Variants in SFT2D2 observed in about 807,000 individuals in gnomAD.
SFT2D2 encodes SFT2 domain containing 2.
In SFT2D2, 21 loss-of-function variants were observed where a neutral mutation model predicts 27.4. The observed-to-expected ratio is 0.77, with a 90% confidence interval of 0.54 to 1.10. The LOEUF (loss-of-function observed/expected upper bound fraction) is 1.10, where lower values mean the gene tolerates loss of function less well. Among genes scored for constraint, SFT2D2 ranks in the 50% least tolerant of loss-of-function variants. The pLI is 0.00. For missense variants in SFT2D2, 187 were observed against 194.2 expected (o/e 0.96, Z 0.22); for synonymous variants, 72 against 71.7 (o/e 1.00, Z -0.02).
At chr1:168,232,857 G>T (rs1474298210) in intron 3 of SFT2D2, among the ~76,000 whole-genome samples, 3 of 152,160 alleles carry the variant, frequency 2.0e-5, no homozygotes, top group African/African-American at 7.2e-5. Context: ...CCTGAGTCAG[G>T]GAGGGCTTCC....
chr1:168,246,259 G>T lies in SFT2D2; in HGVS notation c.*3719G>T. On this transcript the variant is annotated 3_prime_UTR_variant, in exon 8 of 8. Coordinates refer to ENST00000271375, the MANE Select transcript of SFT2D2 (RefSeq NM_199344.3). ...TGTGCTGTAGCATCACATTTGGCTT[G>T]ACTATCAATTACTGTTTTTTCTTGA... is the stretch of plus-strand genomic sequence containing the variant. 1 of 366,836 alleles carries T rather than the reference G, an allele frequency of 2.7e-6. No homozygotes were observed. The highest frequency in any genetic ancestry group is 2.4e-5 in the South Asian group (1 of 41,820). 22.7% of individuals were successfully genotyped at this position (366,836 alleles called of 1,614,324 possible). A position where few individuals can be genotyped will look rare whatever the true frequency, so the allele number is the denominator to read the frequency against.
rs578123756 is a variant in SFT2D2, at chr1:168,247,114, T to C, written c.*4574T>C. On this transcript the variant is annotated 3_prime_UTR_variant, in exon 8 of 8. Transcript: ENST00000271375. ...TCTCTTTTGTAGTACACTAGTCTTT[T>C]TCATTTTTTAATTTTTACTGTAAGT... 6 of 304,334 alleles carry C rather than the reference T, an allele frequency of 2.0e-5. No homozygotes were observed. Among genetic ancestry groups the C allele is most frequent in the South Asian group, 1.3e-4 (4 of 31,354 alleles). The allele number at this position is 304,334 out of a possible 1,614,324, so 18.9% of individuals were successfully genotyped here. A position where few individuals can be genotyped will look rare whatever the true frequency, so the allele number is the denominator to read the frequency against.
intron 1 of SFT2D2, 145 bp downstream of exon 1, chr1:168,226,287 G>T: frequency 1.5e-6 from 1 of 665,490 alleles, no homozygotes. Context: ...GCAGGGCTCC[G>T]CGAAGAGGTC....
chr1:168,226,681 T>C (rs1445927922), intron 1 of SFT2D2, among the ~76,000 whole-genome samples: 1 of 152,158 alleles, frequency 6.6e-6, no homozygotes, highest in Non-Finnish European at 1.5e-5. Flanking sequence ...TGCCTTGTGA[T>C]TGGGGGTGAG....
Position 168,249,109 on chromosome 1 carries a change from G to C in SFT2D2, c.*6569G>C, listed in dbSNP as rs1316991227. On this transcript the variant is annotated 3_prime_UTR_variant, in exon 8 of 8. Coordinates refer to ENST00000271375, the MANE Select transcript of SFT2D2 (RefSeq NM_199344.3). ...CCTGCTCTAATCTTAGTTATTTCTT[G>C]TCTTCTGCTAGCTTTTGAATTTGTT... 1 of 151,748 alleles carries C rather than the reference G, an allele frequency of 6.6e-6. No individual in the cohort carries two copies. Among genetic ancestry groups the C allele is most frequent in the Non-Finnish European group, 1.5e-5 (1 of 67,950 alleles). 9.4% of individuals were successfully genotyped at this position (151,748 alleles called of 1,614,324 possible).
rs1364193546 is a variant in SFT2D2, at chr1:168,246,648, T to C, written c.*4108T>C. On this transcript the variant is annotated 3_prime_UTR_variant, in exon 8 of 8. Coordinates refer to ENST00000271375, the MANE Select transcript of SFT2D2 (RefSeq NM_199344.3). ...GGAAATCAAGCTCTTGGTCTCTTTC[T>C]GTTGAGTGACTTTGATCATGATCAT... The C allele has an allele frequency of 7.4e-7, 1 of 1,357,558 alleles. No homozygotes were observed. The highest frequency in any genetic ancestry group is 1.8e-5 in the Admixed American group (1 of 56,430). 84.1% of individuals were successfully genotyped at this position (1,357,558 alleles called of 1,614,324 possible).
intron 6 of SFT2D2, among the ~76,000 whole-genome samples, chr1:168,238,005 G>C (rs1032426337): frequency 6.6e-6 from 1 of 152,102 alleles, no homozygotes; most frequent in African/African-American, 2.4e-5. Flanking sequence ...CAGAGGTTCA[G>C]CATTCATATG....
intron 7 of SFT2D2, among the ~76,000 whole-genome samples, chr1:168,242,202 T>TG (rs1647665047): frequency 6.6e-6 from 1 of 152,240 alleles, no homozygotes; most frequent in Non-Finnish European, 1.5e-5. Context: ...ACTGATTTCT[T>TG]AGTTTCTGAC....
intron 1 of SFT2D2, among the ~76,000 whole-genome samples, chr1:168,226,497 T>G (rs1361215145): frequency 6.6e-6 from 1 of 151,872 alleles, no homozygotes; most frequent in Non-Finnish European, 1.5e-5. Context: ...GGCCCCGAGG[T>G]CCAGGCGGAA....
At chr1:168,234,910 T>C (rs954991785) in intron 3 of SFT2D2, among the ~76,000 whole-genome samples, 191 bp from the exon 4 acceptor site, 1 of 152,208 alleles carries the variant, frequency 6.6e-6, no homozygotes, top group African/African-American at 2.4e-5. Context: ...GGTGTGGTAA[T>C]TGTTCCTACT....
At chr1:168,237,917 A>G (rs185035268) in intron 6 of SFT2D2, among the ~76,000 whole-genome samples, 3 of 146,962 alleles carry the variant, frequency 2.0e-5, no homozygotes, top group East Asian at 4.0e-4. Flanking sequence ...TTATATTTTG[A>G]TTTTTCTTCC....
At chr1:168,230,681 G>A (rs1192890050) in intron 1 of SFT2D2, among the ~76,000 whole-genome samples, 2 of 152,084 alleles carry the variant, frequency 1.3e-5, no homozygotes, top group Admixed American at 6.5e-5. Context: ...CGCCATGTTG[G>A]TCAGGCTGGT....
Position 168,244,910 on chromosome 1 carries a change from C to G in SFT2D2, c.*2370C>G, listed in dbSNP as rs564489673. 7 of 152,042 alleles carry G rather than the reference C, an allele frequency of 4.6e-5. No homozygotes were observed. Among genetic ancestry groups the G allele is most frequent in the East Asian group, 1.9e-4 (1 of 5,184 alleles). 9.4% of individuals were successfully genotyped at this position (152,042 alleles called of 1,614,324 possible). A position where few individuals can be genotyped will look rare whatever the true frequency, so the allele number is the denominator to read the frequency against. On this transcript the variant is annotated 3_prime_UTR_variant, in exon 8 of 8. Coordinates refer to ENST00000271375, the MANE Select transcript of SFT2D2 (RefSeq NM_199344.3). ...TTGTTTAAAAAATAATCTCAGCAAA[C>G]TAGGGATACAAGAGAATTTCCTCAA...
At chr1:168,226,184 C>T in intron 1 of SFT2D2, 42 bp downstream of exon 1, 2 of 1,510,774 alleles carry the variant, frequency 1.3e-6, no homozygotes, top group Non-Finnish European at 1.8e-6. Flanking sequence ...CGCCGCGCTC[C>T]CGCCCTGCGT....
chr1:168,233,894 G>A (rs1444805808), intron 3 of SFT2D2, among the ~76,000 whole-genome samples: 1 of 152,214 alleles, frequency 6.6e-6, no homozygotes, highest in Non-Finnish European at 1.5e-5. Context: ...GACCAGCCTT[G>A]ACTGTTGCTT....
At chr1:168,228,572 T>G (rs1700483813) in intron 1 of SFT2D2, among the ~76,000 whole-genome samples, 1 of 152,186 alleles carries the variant, frequency 6.6e-6, no homozygotes, top group African/African-American at 2.4e-5. Context: ...TTTCTGAAAG[T>G]ATAGGTTTTA....
At chr1:168,235,949 G>A (rs1169350820) in intron 4 of SFT2D2, among the ~76,000 whole-genome samples, 1 of 152,210 alleles carries the variant, frequency 6.6e-6, no homozygotes, top group East Asian at 1.9e-4. Flanking sequence ...TCCTTTTAGA[G>A]TATTGGGCAC....
At chr1:168,231,346 T>C (rs1572451110) in intron 1 of SFT2D2, among the ~76,000 whole-genome samples, 168 bp from the exon 2 acceptor site, 1 of 152,226 alleles carries the variant, frequency 6.6e-6, no homozygotes, top group Non-Finnish European at 1.5e-5. Flanking sequence ...ATAATAACTT[T>C]ACAGCTCTGA....
In SFT2D2 at chr1:168,242,551, G is replaced by T. The variant is rs754135065; in HGVS notation, c.*11G>T. ...GTGTGTCTTGCATAATTCATGGCCA[G>T]TTTTATGAAGCTTTGGAAGGCACTA... On this transcript the variant is annotated 3_prime_UTR_variant, in exon 8 of 8. Coordinates refer to ENST00000271375, the MANE Select transcript of SFT2D2 (RefSeq NM_199344.3). 5 of 1,614,046 alleles carry T rather than the reference G, an allele frequency of 3.1e-6. No individual in the cohort carries two copies. The African/African-American group carries it at 5.3e-5, about 17-fold the overall frequency.
Sources: allele counts gnomAD v4.1 joint callset (sites outside exome capture counted in the v4.1 genomes callset), GRCh38; gene constraint gnomAD v4.1.1; transcripts MANE v1.5; gene names NCBI Gene and HGNC (gene_info 2026-07-23, HGNC 2026-07-21).